ANTXR2: variants seen among roughly 807,000 people sequenced by gnomAD.
The protein encoded by ANTXR2 is anthrax toxin receptor 2.
A neutral mutation model predicts 73.7 loss-of-function variants in ANTXR2; 44 were observed. That is an observed-to-expected ratio of 0.60 (90% CI 0.47 to 0.77). ANTXR2 has a LOEUF of 0.77. ANTXR2 is among the 30% of genes least tolerant of loss of function. ANTXR2 has a pLI of 0.00. For synonymous variants in ANTXR2, 217 were observed against 205.9 expected, an observed-to-expected ratio of 1.05 and a Z score of -0.46; for missense variants, 604 against 592.5, an observed-to-expected ratio of 1.02 and a Z score of -0.20.
At chr4:79,981,417 T>C (rs1729885194) in intron 14 of ANTXR2, among the ~76,000 whole-genome samples, 1 of 152,212 alleles carries the variant, frequency 6.6e-6, no homozygotes, top group South Asian at 2.1e-4. Context: ...AATTCATTTA[T>C]GCTTGTATAT....
intron 10 of ANTXR2, among the ~76,000 whole-genome samples, chr4:80,023,826 A>T (rs1732290733): frequency 6.6e-6 from 1 of 152,212 alleles, no homozygotes; most frequent in South Asian, 2.1e-4. Flanking sequence ...TAAGAATGAA[A>T]TGGCTCCAGG....
chr4:79,996,167 C>A (rs894017408), intron 12 of ANTXR2, among the ~76,000 whole-genome samples: 1 of 151,982 alleles, frequency 6.6e-6, no homozygotes, highest in African/African-American at 2.4e-5. Flanking sequence ...GTCTACCTAT[C>A]TCCAACTCTG....
intron 7 of ANTXR2, among the ~76,000 whole-genome samples, chr4:80,039,653 T>C (rs1379044117): frequency 6.6e-6 from 1 of 152,020 alleles, no homozygotes; most frequent in Non-Finnish European, 1.5e-5. Flanking sequence ...GGTGAGGTTG[T>C]GGAAAAAAGG....
chr4:79,960,786 T>C (rs1261921230), intron 16 of ANTXR2, among the ~76,000 whole-genome samples: 1 of 151,904 alleles, frequency 6.6e-6, no homozygotes, highest in Non-Finnish European at 1.5e-5. Context: ...TAAATAAAAA[T>C]TATATGGAAA....
At chr4:79,977,426 A>C in intron 16 of ANTXR2, 195 bp downstream of exon 16, 1 of 1,144,000 alleles carries the variant, frequency 8.7e-7, no homozygotes, top group Non-Finnish European at 1.2e-6. Flanking sequence ...GGAATGGTGT[A>C]AAAATGTAGT....
chr4:80,056,825 T>C lies in ANTXR2; in HGVS notation c.297-812A>G, dbSNP rs1350608819. Among the ~76,000 whole-genome samples, 5 of 152,002 alleles carry C rather than the reference T, an allele frequency of 3.3e-5. No homozygotes were observed. In the South Asian group the frequency reaches 6.2e-4, roughly 19 times the overall value. ...TACAATATTATTAAGAGCTATTTTA[T>C]GTGTATCAGTTAAGGGAAGTCCCAA... On this transcript the variant is annotated intron_variant, in intron 3 of 16. Coordinates refer to ENST00000403729, the MANE Select transcript of ANTXR2 (RefSeq NM_058172.6).
chr4:80,054,125 T>A, intron 7 of ANTXR2, 147 bp downstream of exon 7: 1 of 615,758 alleles, frequency 1.6e-6, no homozygotes, highest in Middle Eastern at 2.9e-4. Context: ...TCTTTAGAAT[T>A]ACACTGTTTG....
intron 16 of ANTXR2, among the ~76,000 whole-genome samples, chr4:79,976,314 A>G (rs1189201952): frequency 2.6e-5 from 4 of 152,312 alleles, no homozygotes; most frequent in African/African-American, 4.8e-5. Context: ...AGTGAAAACA[A>G]TTCTAATGAG....
At chr4:80,022,805 A>G (rs925632630) in intron 10 of ANTXR2, among the ~76,000 whole-genome samples, 12 of 152,212 alleles carry the variant, frequency 7.9e-5, no homozygotes, top group Non-Finnish European at 5.9e-5. Context: ...ATAATATTGA[A>G]AAAGGGCATT....
At chr4:80,052,259 T>C (rs1733805116) in intron 7 of ANTXR2, among the ~76,000 whole-genome samples, 1 of 151,666 alleles carries the variant, frequency 6.6e-6, no homozygotes, top group African/African-American at 2.4e-5. Context: ...ATATTTGTTT[T>C]AAAGATCTAA....
intron 7 of ANTXR2, among the ~76,000 whole-genome samples, chr4:80,038,851 A>T (rs77137881): frequency 0.37 from 55,256 of 151,358 alleles, 12,203 homozygotes; most frequent in Non-Finnish European, 0.47. Context: ...TTTTATTTAT[A>T]AAAAAAAACT....
At chr4:80,063,001 GA>G (rs1212022564) in intron 3 of ANTXR2, among the ~76,000 whole-genome samples, 1 of 151,426 alleles carries the variant, frequency 6.6e-6, no homozygotes, top group Non-Finnish European at 1.5e-5. Flanking sequence ...AAAGAAAAAT[GA>G]AAAAAAATGA....
intron 16 of ANTXR2, among the ~76,000 whole-genome samples, chr4:79,963,348 T>C (rs35197700): frequency 0.064 from 9,671 of 152,240 alleles, 413 homozygotes; most frequent in Middle Eastern, 0.1. Context: ...TTGTGCAACC[T>C]GTCTTCTCTG....
At chr4:79,959,401 T>A (rs1729060584) in intron 16 of ANTXR2, among the ~76,000 whole-genome samples, 1 of 152,158 alleles carries the variant, frequency 6.6e-6, no homozygotes, top group Non-Finnish European at 1.5e-5. Flanking sequence ...ATTCAAATGA[T>A]ACCTCTCTTA....
At position 80,018,901 on chromosome 4, in the gene ANTXR2, T is replaced by A. The variant is rs1347248376; in HGVS notation, c.942A>T (p.Glu314Asp). The A allele has an allele frequency of 6.6e-7, 1 of 1,520,146 alleles. No homozygotes were observed. Among genetic ancestry groups the A allele is most frequent in the Non-Finnish European group, 8.8e-7 (1 of 1,135,214 alleles). The allele number at this position is 1,520,146 out of a possible 1,614,324, so 94.2% of individuals were successfully genotyped here. ...ISGSLIVTAT[E>D]CSNGIAAIIV... ...CTTTGTGCAAACTTTTACTTACACATTCTGTGGCTGTGACAATTAATGATC... is the reference window on the plus strand; with the variant it reads ...CTTTGTGCAAACTTTTACTTACACAATCTGTGGCTGTGACAATTAATGATC... Residue 314 changes from glutamate to aspartate, a missense_variant, in exon 11 of 17, where the codon GAA (glutamate) becomes GAT (aspartate). By Grantham distance (45) the Glu-to-Asp change is conservative. Coordinates refer to ENST00000403729, the MANE Select transcript of ANTXR2 (RefSeq NM_058172.6).
chr4:80,006,459 A>C (rs942652747), intron 12 of ANTXR2, among the ~76,000 whole-genome samples: 1 of 152,102 alleles, frequency 6.6e-6, no homozygotes, highest in African/African-American at 2.4e-5. Flanking sequence ...TGAACTTATA[A>C]GGGCTAATTG....
At chr4:80,055,779 T>C (rs991279439) in intron 4 of ANTXR2, among the ~76,000 whole-genome samples, 153 bp downstream of exon 4, 10 of 151,896 alleles carry the variant, frequency 6.6e-5, no homozygotes, top group African/African-American at 2.4e-5. Flanking sequence ...TAAATAATTT[T>C]TTCTACTTGT....
chr4:79,962,875 T>C (rs1203266356), intron 16 of ANTXR2, among the ~76,000 whole-genome samples: 1 of 152,176 alleles, frequency 6.6e-6, no homozygotes, highest in African/African-American at 2.4e-5. Flanking sequence ...AGGCTATCAA[T>C]ATACATATAT....
At chr4:79,912,271 A>C (rs946373508) in intron 16 of ANTXR2, among the ~76,000 whole-genome samples, 14 of 152,088 alleles carry the variant, frequency 9.2e-5, no homozygotes, top group African/African-American at 3.4e-4. Context: ...GATATCAGTT[A>C]TGTTGTAGCT....
Sources: gnomAD v4.1 joint callset for allele counts (sites outside exome capture counted in the v4.1 genomes callset) on GRCh38, gnomAD v4.1.1 for gene constraint, MANE v1.5 for transcripts, NCBI Gene and HGNC (gene_info 2026-07-23, HGNC 2026-07-21) for gene names.